The following LPCAT2 variants were observed in gnomAD, a reference collection of about 807,000 sequenced individuals.
The protein encoded by LPCAT2 is lysophosphatidylcholine acyltransferase 2, also known as 1-AGP acyltransferase 11.
Under a neutral mutation model 64.7 loss-of-function variants are expected in LPCAT2, and 58 were observed. That is an observed-to-expected ratio of 0.90 (90% CI 0.73 to 1.12). The LOEUF (loss-of-function observed/expected upper bound fraction) is 1.12, where lower values mean the gene tolerates loss of function less well. Ranked by LOEUF, LPCAT2 falls within the 50% of genes most tolerant of loss-of-function variation. The pLI is 0.00. For synonymous variants in LPCAT2, 252 were observed against 245.3 expected, an observed-to-expected ratio of 1.03 and a Z score of -0.26; for missense variants, 579 against 669.8, an observed-to-expected ratio of 0.86 and a Z score of 1.50.
Position 55,528,614 on chromosome 16 carries a change from C to T in LPCAT2, c.529+20C>T, listed in dbSNP as rs756051571. 84 of 1,540,710 alleles carry T rather than the reference C, an allele frequency of 5.5e-5. No individual in the cohort carries two copies. The highest frequency in any genetic ancestry group is 6.8e-5 in the Non-Finnish European group (76 of 1,116,872). ...TTGGCAGTAAGTACTTGTAAGGTAA[C>T]GTAGATAAAATATTTTCATGCTCAT... On this transcript the variant is annotated intron_variant, in intron 3 of 13. Transcript: ENST00000262134.
intron 1 of LPCAT2, among the ~76,000 whole-genome samples, chr16:55,513,793 A>G (rs189212364): frequency 2.0e-5 from 3 of 152,304 alleles, no homozygotes; most frequent in Non-Finnish European, 2.9e-5. Flanking sequence ...AGGAATTGTC[A>G]TTACTGGTCA....
intron 7 of LPCAT2, among the ~76,000 whole-genome samples, chr16:55,535,670 A>G (rs1284966695): frequency 6.6e-6 from 1 of 152,156 alleles, no homozygotes; most frequent in Non-Finnish European, 1.5e-5. Context: ...GAATTGGGAG[A>G]AACAGGTAGT....
chr16:55,536,141 T>C (rs1453285850), intron 7 of LPCAT2, among the ~76,000 whole-genome samples: 5 of 152,210 alleles, frequency 3.3e-5, no homozygotes, highest in African/African-American at 1.2e-4. Context: ...GCACTGTGTC[T>C]GTTACTTCTA....
chr16:55,514,049 T>A (rs566169582), intron 1 of LPCAT2, among the ~76,000 whole-genome samples: 3 of 151,690 alleles, frequency 2.0e-5, no homozygotes, highest in Admixed American at 6.6e-5. Context: ...AAAATAAAAA[T>A]AAAAAAATCA....
At chr16:55,534,306 A>T in intron 6 of LPCAT2, 137 bp from the exon 7 acceptor site, 1 of 611,100 alleles carries the variant, frequency 1.6e-6, no homozygotes, top group Non-Finnish European at 3.0e-6. Flanking sequence ...CTTTAACAAT[A>T]ATGTATTTAT....
chr16:55,571,626 A>AT (rs550238665), intron 11 of LPCAT2, among the ~76,000 whole-genome samples: 8 of 151,612 alleles, frequency 5.3e-5, no homozygotes, highest in South Asian at 4.2e-4. Flanking sequence ...TCAAGTCTGG[A>AT]TTTTTTTTTA....
chr16:55,525,465 A>G (rs1172030581), intron 1 of LPCAT2, 43 bp from the exon 2 acceptor site: 1 of 1,567,018 alleles, frequency 6.4e-7, no homozygotes, highest in Admixed American at 1.8e-5. Flanking sequence ...CCATGAATTA[A>G]AATAATGTCC....
At chr16:55,549,658 C>G (rs760269370) in intron 10 of LPCAT2, among the ~76,000 whole-genome samples, 10 of 152,166 alleles carry the variant, frequency 6.6e-5, no homozygotes, top group Non-Finnish European at 1.5e-4. Flanking sequence ...ACAGATCTGC[C>G]TCCCTACTCA....
chr16:55,537,752 T>C (rs894456721), intron 8 of LPCAT2, 120 bp downstream of exon 8: 2 of 768,394 alleles, frequency 2.6e-6, no homozygotes, highest in Admixed American at 2.5e-5. Context: ...AAATTGTGTA[T>C]ATAAACCTAG....
chr16:55,576,154 G>A (rs1206329260), intron 12 of LPCAT2, among the ~76,000 whole-genome samples: 1 of 150,476 alleles, frequency 6.6e-6, no homozygotes, highest in Non-Finnish European at 1.5e-5. Flanking sequence ...GAAGGGGAAG[G>A]GAAGAAAGGA....
In LPCAT2 at chr16:55,582,902, T is replaced by C. The variant is rs749387707; in HGVS notation, c.1451-12T>C. 1 of 1,570,910 alleles carries C rather than the reference T, an allele frequency of 6.4e-7. No homozygotes were observed. Among genetic ancestry groups the C allele is most frequent in the East Asian group, 2.2e-5 (1 of 44,540 alleles). On this transcript the variant is annotated splice_polypyrimidine_tract_variant and intron_variant, in intron 13 of 13. Coordinates refer to ENST00000262134, the MANE Select transcript of LPCAT2 (RefSeq NM_017839.5). The stretch of plus-strand genomic sequence containing the variant: ...ACCCCAACTTATTGGATTTTTTTTC[T>C]TTCTCTTCTAGAGGAATTTAAAAGT...
At chr16:55,545,899 T>G (rs1312819350) in intron 9 of LPCAT2, 82 bp downstream of exon 9, 2 of 1,105,332 alleles carry the variant, frequency 1.8e-6, no homozygotes, top group Non-Finnish European at 2.7e-6. Context: ...TAAGGATTTT[T>G]TTTTGACCCC....
intron 1 of LPCAT2, among the ~76,000 whole-genome samples, chr16:55,509,608 G>T (rs1013263020): frequency 6.6e-6 from 1 of 151,056 alleles, no homozygotes; most frequent in African/African-American, 2.4e-5. Flanking sequence ...TCTGACGGGG[G>T]AGGGCGGTCG....
chr16:55,550,089 A>C, intron 10 of LPCAT2, among the ~76,000 whole-genome samples: 1 of 152,206 alleles, frequency 6.6e-6, no homozygotes, highest in Non-Finnish European at 1.5e-5. Flanking sequence ...TCAGTATTAA[A>C]GTATAATATT....
chr16:55,515,318 C>A (rs1962995555), intron 1 of LPCAT2, among the ~76,000 whole-genome samples: 1 of 151,936 alleles, frequency 6.6e-6, no homozygotes, highest in African/African-American at 2.4e-5. Context: ...ACAGAGACCA[C>A]AAGGGAGTAG....
At chr16:55,534,084 C>A (rs908869922) in intron 6 of LPCAT2, among the ~76,000 whole-genome samples, 1 of 152,000 alleles carries the variant, frequency 6.6e-6, no homozygotes, top group South Asian at 2.1e-4. Flanking sequence ...TTATTTCCCC[C>A]AAATAAGCTT....
At chr16:55,570,779 C>A (rs1963761637) in intron 11 of LPCAT2, among the ~76,000 whole-genome samples, 1 of 152,074 alleles carries the variant, frequency 6.6e-6, no homozygotes, top group Non-Finnish European at 1.5e-5. Context: ...CAATTTTATT[C>A]CTAGAAACTG....
At chr16:55,545,434 C>T (rs1963441894) in intron 8 of LPCAT2, 1 of 230,194 alleles carries the variant, frequency 4.3e-6, no homozygotes, top group Non-Finnish European at 8.3e-6. Flanking sequence ...CTTTACACTT[C>T]CAGAATTCCA....
rs551222248 is a variant in LPCAT2 at position 55,534,384 on chromosome 16, T to C, written c.763-59T>C. On this transcript the variant is annotated intron_variant, in intron 6 of 13. Coordinates refer to ENST00000262134, the MANE Select transcript of LPCAT2 (RefSeq NM_017839.5). ...TGAATCCCCATATTAAAATAAGATC[T>C]TTATTTTATTTAGTATTTTTCCTCC... 2.6e-5 allele frequency: 26 copies of C among 981,816 alleles called. No homozygotes were observed. In the East Asian group the frequency reaches 6.1e-4, roughly 23 times the overall value. 60.8% of individuals were successfully genotyped at this position (981,816 alleles called of 1,614,324 possible). A position where few individuals can be genotyped will look rare whatever the true frequency, so the allele number is the denominator to read the frequency against.
Sources: allele counts gnomAD v4.1 joint callset (sites outside exome capture counted in the v4.1 genomes callset), GRCh38; gene constraint gnomAD v4.1.1; transcripts MANE v1.5; gene names NCBI Gene and HGNC (gene_info 2026-07-23, HGNC 2026-07-21).